FAM171A1: variants seen among roughly 807,000 people sequenced by gnomAD.
FAM171A1 encodes protein FAM171A1.
FAM171A1 carries 23 observed loss-of-function variants against 74.9 expected under a neutral mutation model. That is an observed-to-expected ratio of 0.31 (90% CI 0.22 to 0.44). FAM171A1 has a LOEUF of 0.44. Among genes scored for constraint, FAM171A1 ranks in the 20% least tolerant of loss-of-function variants. The pLI, the probability that FAM171A1 is intolerant of heterozygous loss-of-function variation, is 1.00. For synonymous variants in FAM171A1, 527 were observed against 505.7 expected (o/e 1.04, Z -0.57); for missense variants, 1,162 against 1,159.2 (o/e 1.00, Z -0.03).
chr10:15,354,739 G>T (rs573979432), intron 1 of FAM171A1, among the ~76,000 whole-genome samples: 23 of 152,196 alleles, frequency 1.5e-4, no homozygotes, highest in Non-Finnish European at 2.5e-4. Flanking sequence ...AACAGGTACT[G>T]CTCCTGGAAT....
chr10:15,212,886 A>G lies in FAM171A1; in HGVS notation c.*29T>C. ...GAGAAAGGATATTTGGCAATTTTAT[A>G]TTCCACAGTCAGGTGGGTCTGCGAT... On this transcript the variant is annotated 3_prime_UTR_variant, in exon 8 of 8. Transcript: ENST00000378116. 1 of 1,605,352 alleles carries G rather than the reference A, an allele frequency of 6.2e-7. No individual in the cohort carries two copies. Among genetic ancestry groups the G allele is most frequent in the Admixed American group, 1.7e-5 (1 of 57,226 alleles).
chr10:15,238,904 A>C (rs571029952), intron 5 of FAM171A1, among the ~76,000 whole-genome samples: 9 of 152,240 alleles, frequency 5.9e-5, no homozygotes, highest in Admixed American at 6.5e-5. Flanking sequence ...AGAGTATCCA[A>C]ATCATATAAT....
intron 1 of FAM171A1, among the ~76,000 whole-genome samples, chr10:15,287,392 CTT>C (rs140141279): frequency 7.6e-5 from 10 of 130,884 alleles, no homozygotes; most frequent in Admixed American, 1.5e-4. Flanking sequence ...GCGCCGGCCT[CTT>C]TTTTTTTTTT....
At chr10:15,229,118 T>C (rs1446290028) in intron 5 of FAM171A1, among the ~76,000 whole-genome samples, 1 of 152,192 alleles carries the variant, frequency 6.6e-6, no homozygotes. Flanking sequence ...GACGTGATTG[T>C]CCACACTGTG....
chr10:15,262,726 G>C (rs966126907), intron 3 of FAM171A1, among the ~76,000 whole-genome samples: 3 of 152,350 alleles, frequency 2.0e-5, no homozygotes, highest in Admixed American at 2.0e-4. Flanking sequence ...AAAGCCTTCA[G>C]TGATTTTGAG....
At chr10:15,331,859 G>GTGTATACATATACATATA (rs60559617) in intron 1 of FAM171A1, among the ~76,000 whole-genome samples, 2 of 44,952 alleles carry the variant, frequency 4.4e-5, no homozygotes, top group African/African-American at 1.7e-4. Flanking sequence ...ATATATGTGT[G>GTGTATACATATACATATA]TATATATATG....
At chr10:15,289,158 C>T (rs1475358139) in intron 1 of FAM171A1, among the ~76,000 whole-genome samples, 1 of 152,078 alleles carries the variant, frequency 6.6e-6, no homozygotes, top group African/African-American at 2.4e-5. Flanking sequence ...GGGGCATCAT[C>T]GTTATAGAAT....
chr10:15,241,670 A>C (rs2131747444), intron 5 of FAM171A1: 1 of 152,226 alleles, frequency 6.6e-6, no homozygotes, highest in African/African-American at 2.4e-5. Context: ...TGATGTTTTG[A>C]TATATACATC....
At position 15,354,536 on chromosome 10, in the gene FAM171A1, C is replaced by G. The variant is rs1488049033; in HGVS notation, c.97+16420G>C. Among the ~76,000 whole-genome samples, 6 of 152,142 alleles carry G rather than the reference C, an allele frequency of 3.9e-5. No homozygotes were observed. The East Asian group carries it at 9.7e-4, about 25-fold the overall frequency. On this transcript the variant is annotated intron_variant, in intron 1 of 7. Coordinates refer to ENST00000378116, the MANE Select transcript of FAM171A1 (RefSeq NM_001010924.2). ...ACGGTGGAACTTTCAAGGCAATGAA[C>G]TTGGCAATGTCTCCCTTCAAGTCTC...
Position 15,327,996 on chromosome 10 carries a change from T to C in FAM171A1, c.97+42960A>G, listed in dbSNP as rs1588555903. On this transcript the variant is annotated intron_variant, in intron 1 of 7. Coordinates refer to ENST00000378116, the MANE Select transcript of FAM171A1 (RefSeq NM_001010924.2). The stretch of plus-strand genomic sequence containing the variant: ...AGTAATCTCGGTCTAAAACTCTCAG[T>C]CCGAAAACTTGCCTCAGAACACTGT... 3.3e-5 allele frequency among the ~76,000 whole-genome samples: 5 copies of C among 149,982 alleles called. No homozygotes were observed. In the Admixed American group the frequency reaches 3.3e-4, roughly 10 times the overall value.
chr10:15,259,812 C>T (rs1455623806), intron 3 of FAM171A1, among the ~76,000 whole-genome samples: 1 of 151,724 alleles, frequency 6.6e-6, no homozygotes, highest in Non-Finnish European at 1.5e-5. Context: ...ATGACTAAGT[C>T]TGATTGTTTC....
At chr10:15,341,384 C>G (rs962551707) in intron 1 of FAM171A1, among the ~76,000 whole-genome samples, 1 of 152,212 alleles carries the variant, frequency 6.6e-6, no homozygotes, top group Non-Finnish European at 1.5e-5. Flanking sequence ...TAAATCACTA[C>G]AAAATCCAAA....
At chr10:15,350,616 C>T (rs949152220) in intron 1 of FAM171A1, among the ~76,000 whole-genome samples, 1 of 150,734 alleles carries the variant, frequency 6.6e-6, no homozygotes, top group Non-Finnish European at 1.5e-5. Context: ...GCTGGGATTA[C>T]AGGCGTGAGC....
intron 1 of FAM171A1, among the ~76,000 whole-genome samples, chr10:15,341,027 T>C (rs1835758647): frequency 6.6e-6 from 1 of 152,234 alleles, no homozygotes; most frequent in South Asian, 2.1e-4. Flanking sequence ...TCTATGCCAG[T>C]ACGTCTCAAG....
At chr10:15,318,629 T>G (rs148426300) in intron 1 of FAM171A1, among the ~76,000 whole-genome samples, 11 of 152,306 alleles carry the variant, frequency 7.2e-5, no homozygotes, top group Middle Eastern at 6.8e-3. Context: ...TGGAGGTGTG[T>G]GTCATCTCAT....
intron 1 of FAM171A1, among the ~76,000 whole-genome samples, chr10:15,302,189 T>C (rs1471869392): frequency 1.3e-5 from 2 of 152,096 alleles, no homozygotes; most frequent in Non-Finnish European, 2.9e-5. Context: ...CTTGGCCAGG[T>C]GCGGTGGCTC....
chr10:15,305,756 G>T (rs1835286955), intron 1 of FAM171A1, among the ~76,000 whole-genome samples: 1 of 151,350 alleles, frequency 6.6e-6, no homozygotes, highest in Admixed American at 6.6e-5. Context: ...TTTTGAGCAG[G>T]GAAGTGGTTA....
intron 1 of FAM171A1, among the ~76,000 whole-genome samples, chr10:15,324,437 T>C (rs892951358): frequency 1.3e-5 from 2 of 152,228 alleles, no homozygotes; most frequent in Admixed American, 6.5e-5. Context: ...CCAAATATAT[T>C]CTATCCCCAT....
intron 1 of FAM171A1, among the ~76,000 whole-genome samples, chr10:15,367,759 C>T (rs1588574991): frequency 1.3e-5 from 2 of 152,326 alleles, no homozygotes; most frequent in Admixed American, 1.3e-4. Context: ...CGCATCATCG[C>T]AAAACACCTT....
Sources: gnomAD v4.1 joint callset for allele counts (sites outside exome capture counted in the v4.1 genomes callset) on GRCh38, gnomAD v4.1.1 for gene constraint, MANE v1.5 for transcripts, NCBI Gene and HGNC (gene_info 2026-07-23, HGNC 2026-07-21) for gene names.